Variants in RBMS3 observed in about 807,000 individuals in gnomAD.
RBMS3 encodes RNA-binding motif, single-stranded-interacting protein 3.
A neutral mutation model predicts 66.8 loss-of-function variants in RBMS3; 27 were observed. The ratio of observed to expected loss-of-function variants is 0.40; its 90% CI spans 0.30 to 0.56. The LOEUF (loss-of-function observed/expected upper bound fraction) is 0.56. Among genes scored for constraint, RBMS3 ranks in the 20% least tolerant of loss-of-function variants. The pLI, the probability that RBMS3 is intolerant of heterozygous loss-of-function variation, is 0.40. For missense variants in RBMS3, 513 were observed against 549.5 expected (o/e 0.93, Z 0.66); for synonymous variants, 188 against 183.0 (o/e 1.03, Z -0.22).
rs377384999 is a variant in RBMS3, at chr3:29,785,233, G to T, written c.637+22244G>T. Among the ~76,000 whole-genome samples the T allele has an allele frequency of 7.2e-5, 11 of 151,984 alleles. No individual in the cohort carries two copies. The East Asian group carries it at 1.5e-3, about 21-fold the overall frequency. ...AGCAAAAAAAGAAAACTACAGACCAGTATTCTTGATGAACATAAATGCAAA... is the reference window on the plus strand; with the variant it reads ...AGCAAAAAAAGAAAACTACAGACCATTATTCTTGATGAACATAAATGCAAA... On this transcript the variant is annotated intron_variant, in intron 6 of 14. Transcript: ENST00000383767.
chr3:30,009,236 T>A lies in RBMS3; in HGVS notation c.*5374T>A, dbSNP rs1345379511. 1 of 152,104 alleles carries A rather than the reference T, an allele frequency of 6.6e-6. No individual in the cohort carries two copies. Among genetic ancestry groups the A allele is most frequent in the Non-Finnish European group, 1.5e-5 (1 of 67,988 alleles). 9.4% of individuals were successfully genotyped at this position (152,104 alleles called of 1,614,324 possible). On this transcript the variant is annotated 3_prime_UTR_variant, in exon 15 of 15. Transcript: ENST00000383767. Reference sequence around the variant, plus strand: ...TTTTTGAAGGGCTAATTATCTACTTTGTGGGTGTGTTTTGTTTTTTCTTTT... The same window carrying A: ...TTTTTGAAGGGCTAATTATCTACTTAGTGGGTGTGTTTTGTTTTTTCTTTT...
At chr3:29,385,197 T>C (rs1213286169) in intron 1 of RBMS3, among the ~76,000 whole-genome samples, 2 of 152,198 alleles carry the variant, frequency 1.3e-5, no homozygotes, top group Non-Finnish European at 2.9e-5. Flanking sequence ...CAGTTTGTTT[T>C]GGCAGGCTAT....
chr3:29,881,880 G>A (rs2059745191), intron 7 of RBMS3, among the ~76,000 whole-genome samples: 1 of 152,088 alleles, frequency 6.6e-6, no homozygotes, highest in Non-Finnish European at 1.5e-5. Context: ...AGGAAAATAA[G>A]TACAAGGAAA....
chr3:29,468,462 A>G (rs1474413262), intron 2 of RBMS3, among the ~76,000 whole-genome samples: 2 of 152,172 alleles, frequency 1.3e-5, no homozygotes, highest in Non-Finnish European at 2.9e-5. Context: ...TAAGTTAAGT[A>G]GCTTACCCTA....
intron 1 of RBMS3, among the ~76,000 whole-genome samples, chr3:29,411,265 C>T (rs1217196372): frequency 6.6e-6 from 1 of 152,140 alleles, no homozygotes; most frequent in South Asian, 2.1e-4. Flanking sequence ...GTAATCTCAC[C>T]TCCTGGGTAA....
At chr3:29,920,891 A>T (rs184245954) in intron 10 of RBMS3, among the ~76,000 whole-genome samples, 123 of 151,942 alleles carry the variant, frequency 8.1e-4, no homozygotes, top group African/African-American at 2.8e-3. Context: ...ATGATTATAA[A>T]CCAGTGAAGC....
At position 29,517,084 on chromosome 3, in the gene RBMS3, C is replaced by T. The variant is rs185770942; in HGVS notation, c.307+28585C>T. On this transcript the variant is annotated intron_variant, in intron 3 of 14. Transcript: ENST00000383767. ...AAAAAATTATCTGGGTATGGTGGCA[C>T]GTGTCTGTCGCCCAGCTACCCAGGA... Among the ~76,000 whole-genome samples, 550 of 151,776 alleles carry T rather than the reference C, an allele frequency of 3.6e-3. 2 individuals carry two copies. The highest frequency in any genetic ancestry group is 7.0e-3 in the Non-Finnish European group (474 of 67,910).
At chr3:29,826,378 T>C (rs1361435048) in intron 6 of RBMS3, among the ~76,000 whole-genome samples, 1 of 152,152 alleles carries the variant, frequency 6.6e-6, no homozygotes, top group Non-Finnish European at 1.5e-5. Context: ...TATCCTTCAG[T>C]GCCACATTAA....
chr3:29,623,174 G>T lies in RBMS3; in HGVS notation c.399+35969G>T, dbSNP rs942179560. 2.3e-3 allele frequency among the ~76,000 whole-genome samples: 222 copies of T among 94,994 alleles called. 1 individual carries two copies. The highest frequency in any genetic ancestry group is 8.8e-3 in the African/African-American group (215 of 24,426). 62.3% of individuals were successfully genotyped at this position (94,994 alleles called of 152,430 possible). Reference sequence around the variant, plus strand: ...ATTAAAGGGGATTAAATTAACTTGGGGGGGGGGGTCTAAATTATTATTAAT... The same window carrying T: ...ATTAAAGGGGATTAAATTAACTTGGTGGGGGGGGTCTAAATTATTATTAAT... On this transcript the variant is annotated intron_variant, in intron 4 of 14. Coordinates refer to ENST00000383767, the MANE Select transcript of RBMS3 (RefSeq NM_001003793.3).
chr3:29,311,547 G>A (rs1458441257), intron 1 of RBMS3, among the ~76,000 whole-genome samples: 3 of 151,800 alleles, frequency 2.0e-5, no homozygotes, highest in African/African-American at 4.8e-5. Flanking sequence ...TATGGCATGT[G>A]TTCCTGGGGT....
rs78667107 is a variant in RBMS3, at chr3:29,969,747, G to A, written c.1099-18396G>A. ...AATCACATTGTAACTACATGGTAGT[G>A]AAATGGGGGTCATAGGATTTTCAAA... is the stretch of plus-strand genomic sequence containing the variant. On this transcript the variant is annotated intron_variant, in intron 12 of 14. Coordinates refer to ENST00000383767, the MANE Select transcript of RBMS3 (RefSeq NM_001003793.3). Among the ~76,000 whole-genome samples, 185 of 152,288 alleles carry A rather than the reference G, an allele frequency of 1.2e-3. 4 individuals are homozygous for A. In the East Asian group the frequency reaches 0.022, roughly 18 times the overall value.
Position 29,775,584 on chromosome 3 carries a change from G to A in RBMS3, c.637+12595G>A, listed in dbSNP as rs1202120318. On this transcript the variant is annotated intron_variant, in intron 6 of 14. Coordinates refer to ENST00000383767, the MANE Select transcript of RBMS3 (RefSeq NM_001003793.3). ...GAAAGCTAACCACAGATGCCACATG[G>A]GAGCTGTGTTATCATCATAAGAACT... is the stretch of plus-strand genomic sequence containing the variant. Among the ~76,000 whole-genome samples, 3 of 151,886 alleles carry A rather than the reference G, an allele frequency of 2.0e-5. No homozygotes were observed. In the East Asian group the frequency reaches 5.8e-4, roughly 29 times the overall value.
At chr3:29,730,157 T>C (rs1052596486) in intron 4 of RBMS3, among the ~76,000 whole-genome samples, 10 of 152,190 alleles carry the variant, frequency 6.6e-5, no homozygotes, top group African/African-American at 2.4e-4. Flanking sequence ...ATTCATGATA[T>C]ACTAAAAATA....
chr3:29,379,469 T>G, intron 1 of RBMS3, among the ~76,000 whole-genome samples: 1 of 152,192 alleles, frequency 6.6e-6, no homozygotes, highest in South Asian at 2.1e-4. Context: ...GGAGTTTTAT[T>G]GGACTTACAG....
At chr3:29,956,748 C>G (rs1162431384) in intron 12 of RBMS3, among the ~76,000 whole-genome samples, 2 of 152,116 alleles carry the variant, frequency 1.3e-5, no homozygotes, top group East Asian at 3.9e-4. Flanking sequence ...TTCAAGCCTT[C>G]TTTCCATTCA....
chr3:29,384,627 A>G (rs1370601693), intron 1 of RBMS3, among the ~76,000 whole-genome samples: 3 of 152,216 alleles, frequency 2.0e-5, no homozygotes, highest in African/African-American at 7.2e-5. Context: ...ACCGATAATG[A>G]TAATTTGATG....
At chr3:29,609,510 A>G (rs1481121368) in intron 4 of RBMS3, among the ~76,000 whole-genome samples, 9 of 152,020 alleles carry the variant, frequency 5.9e-5, no homozygotes, top group African/African-American at 2.2e-4. Flanking sequence ...GCTGTTTTCC[A>G]ACAGGTATGG....
At chr3:29,651,580 T>C (rs774070186) in intron 4 of RBMS3, among the ~76,000 whole-genome samples, 3 of 152,058 alleles carry the variant, frequency 2.0e-5, no homozygotes, top group Non-Finnish European at 4.4e-5. Flanking sequence ...TGTACACACA[T>C]ACACACACCG....
chr3:29,405,462 G>A (rs4680828), intron 1 of RBMS3, among the ~76,000 whole-genome samples: 122,887 of 151,926 alleles, frequency 0.81, 50,115 homozygotes, highest in East Asian at 0.96. Context: ...ATTCTTGCCT[G>A]TATATTATTG....
Sources: gnomAD v4.1 joint callset for allele counts (sites outside exome capture counted in the v4.1 genomes callset) on GRCh38, gnomAD v4.1.1 for gene constraint, MANE v1.5 for transcripts, NCBI Gene and HGNC (gene_info 2026-07-23, HGNC 2026-07-21) for gene names.